Variants in LRCH3 observed in about 807,000 individuals in gnomAD.
LRCH3 encodes the protein leucine rich repeats and calponin homology domain containing 3.
A neutral mutation model predicts 104.5 loss-of-function variants in LRCH3; 68 were observed. The ratio of observed to expected loss-of-function variants is 0.65; its 90% CI spans 0.54 to 0.80. The LOEUF is 0.80. Ranked by LOEUF, LRCH3 falls within the 30% of genes least tolerant of loss-of-function variation. LRCH3 has a pLI of 0.00. For missense variants in LRCH3, 951 were observed against 953.9 expected, an observed-to-expected ratio of 1.00 and a Z score of 0.04; for synonymous variants, 344 against 361.3, an observed-to-expected ratio of 0.95 and a Z score of 0.54.
At chr3:197,867,537 G>A (rs1291522283) in intron 17 of LRCH3, among the ~76,000 whole-genome samples, 1 of 151,902 alleles carries the variant, frequency 6.6e-6, no homozygotes, top group Admixed American at 6.6e-5. Flanking sequence ...GTGCAACATG[G>A]CAAAACCCCA....
chr3:197,836,983 T>G (rs1436803375), intron 9 of LRCH3, among the ~76,000 whole-genome samples: 2 of 152,150 alleles, frequency 1.3e-5, no homozygotes, highest in African/African-American at 4.8e-5. Context: ...CAGCCAGTAT[T>G]ATCATTCTTT....
At position 197,792,577 on chromosome 3, in the gene LRCH3, TTATATATATATA is replaced by T. The variant is rs11420466; in HGVS notation, c.262+1054_262+1065del. ...CAGCCGCCACCACGCCCAGCTAATT[TTATATATATATA>T]TATATATATATATATAAAATATACA... On this transcript the variant is annotated intron_variant, in intron 1 of 20. Coordinates refer to ENST00000425562, the MANE Select transcript of LRCH3 (RefSeq NM_001365715.1). 1.7e-3 allele frequency among the ~76,000 whole-genome samples: 35 copies of T among 20,346 alleles called. 3 individuals are homozygous for T. The highest frequency in any genetic ancestry group is 8.0e-3 in the East Asian group (3 of 374). The allele number at this position is 20,346 out of a possible 152,430, so 13.3% of individuals were successfully genotyped here. A position where few individuals can be genotyped will look rare whatever the true frequency, so the allele number is the denominator to read the frequency against.
chr3:197,841,846 G>GTTTTGTTTTGTTTTGTTTTC (rs1553921573), intron 10 of LRCH3, among the ~76,000 whole-genome samples: 8 of 147,060 alleles, frequency 5.4e-5, no homozygotes, highest in African/African-American at 2.0e-4. Context: ...GTTTTGTTTT[G>GTTTTGTTTTGTTTTGTTTTC]TTTTGTGACA....
intron 8 of LRCH3, among the ~76,000 whole-genome samples, chr3:197,834,090 G>A (rs1390032968): frequency 1.3e-5 from 2 of 152,198 alleles, no homozygotes; most frequent in Non-Finnish European, 2.9e-5. Context: ...CAAGTTCACT[G>A]TTCCAGCAAC....
At chr3:197,794,578 A>G (rs966006116) in intron 1 of LRCH3, among the ~76,000 whole-genome samples, 2 of 152,240 alleles carry the variant, frequency 1.3e-5, no homozygotes, top group Non-Finnish European at 2.9e-5. Flanking sequence ...AATGTGTAGC[A>G]TGTACATGGT....
chr3:197,820,304 T>G (rs1580640244), intron 3 of LRCH3, 21 bp from the exon 4 acceptor site: 3 of 1,521,070 alleles, frequency 2.0e-6, no homozygotes, highest in African/African-American at 2.7e-5. Flanking sequence ...ACAATCTTTA[T>G]TTTGTATCTT....
chr3:197,804,807 T>C (rs1410446077), intron 1 of LRCH3, among the ~76,000 whole-genome samples: 1 of 152,248 alleles, frequency 6.6e-6, no homozygotes, highest in Non-Finnish European at 1.5e-5. Context: ...AAACACTTCC[T>C]TATTTTCTAA....
chr3:197,812,040 C>A (rs1018509667), intron 1 of LRCH3, among the ~76,000 whole-genome samples: 4 of 151,996 alleles, frequency 2.6e-5, no homozygotes, highest in African/African-American at 9.7e-5. Flanking sequence ...TAAAATATGC[C>A]ATTTTATCCA....
intron 1 of LRCH3, among the ~76,000 whole-genome samples, chr3:197,806,743 A>G (rs551289511): frequency 6.8e-6 from 1 of 146,328 alleles, no homozygotes; most frequent in East Asian, 2.3e-4. Context: ...TTTGGTGTGG[A>G]GTTTCACCAT....
chr3:197,802,700 A>G (rs1732034302), intron 1 of LRCH3, among the ~76,000 whole-genome samples: 1 of 152,116 alleles, frequency 6.6e-6, no homozygotes, highest in African/African-American at 2.4e-5. Context: ...CTGTTTCTTC[A>G]TGATTCAATC....
Position 197,826,815 on chromosome 3 carries a change from T to C in LRCH3, c.641-63T>C. 10 of 1,582,160 alleles carry C rather than the reference T, an allele frequency of 6.3e-6. No homozygotes were observed. In the South Asian group the frequency reaches 1.1e-4, roughly 18 times the overall value. ...TTAAAATCACATTTAACTAGAAGCT[T>C]TGTAAAAATTCTCTAGTTGTAAAAC... On this transcript the variant is annotated intron_variant, in intron 4 of 20. Transcript: ENST00000425562.
Position 197,839,340 on chromosome 3 carries a change from T to C in LRCH3, c.1271T>C (p.Val424Ala), listed in dbSNP as rs746437543. 10 of 1,597,126 alleles carry C rather than the reference T, an allele frequency of 6.3e-6. No homozygotes were observed. The African/African-American group carries it at 9.5e-5, about 15-fold the overall frequency. Residue 424 changes from valine to alanine, a missense_variant, in exon 10 of 21, where the codon GTA (valine) becomes GCA (alanine). Physicochemically the swap from Val to Ala is moderately conservative, Grantham distance 64. Transcript: ENST00000425562. The part of the protein sequence containing the change: ...ISHEGSPVKP[V>A]AIREFQKTED... ...GCCTAGGGTTCACCAGTAAAGCCAG[T>C]AGCCATTAGGGAGTTTCAAAAAACA...
intron 20 of LRCH3, among the ~76,000 whole-genome samples, chr3:197,878,535 C>G (rs1170969341): frequency 6.6e-6 from 1 of 152,180 alleles, no homozygotes; most frequent in Non-Finnish European, 1.5e-5. Context: ...CTCCCTCCTT[C>G]TCCGTCACCA....
At chr3:197,844,128 A>G (rs1417167687) in intron 10 of LRCH3, among the ~76,000 whole-genome samples, 1 of 152,212 alleles carries the variant, frequency 6.6e-6, no homozygotes, top group Admixed American at 6.5e-5. Flanking sequence ...TGAGGTAGGA[A>G]CATGCTTTTG....
chr3:197,803,084 A>G (rs1341635404), intron 1 of LRCH3, among the ~76,000 whole-genome samples: 2 of 152,218 alleles, frequency 1.3e-5, no homozygotes, highest in Non-Finnish European at 2.9e-5. Context: ...ACTTCTAGGT[A>G]TTTGGGAACT....
chr3:197,863,061 C>T (rs1360849851), intron 15 of LRCH3, among the ~76,000 whole-genome samples: 2 of 151,848 alleles, frequency 1.3e-5, no homozygotes, highest in African/African-American at 4.8e-5. Flanking sequence ...CTGTAAGTAG[C>T]GATGTAAGAG....
intron 20 of LRCH3, chr3:197,882,966 A>G (rs1264331828): frequency 2.0e-6 from 2 of 985,310 alleles, no homozygotes; most frequent in Non-Finnish European, 2.4e-6. Context: ...ATTAGGGGGA[A>G]GTTTCTCAAG....
At position 197,854,428 on chromosome 3, in the gene LRCH3, G is replaced by T; in HGVS notation, c.1627G>T (p.Asp543Tyr). Reference protein sequence around the residue: ...FPSRRSQHTDDSALCMSLSGL... With the variant: ...FPSRRSQHTDYSALCMSLSGL... ...ATCCAGAAGGTCTCAGCACACTGAT[G>T]ATAGTGCCTTGTGCATGGTAAGAGT... Residue 543 changes from aspartate (D) to tyrosine (Y), a missense_variant, in exon 14 of 21, where the codon GAT becomes TAT. Transcript: ENST00000425562. This position sits in a 1 kb window ranked among gnomAD's most constrained non-coding sequence, Gnocchi z 4.5. 6.2e-7 allele frequency: 1 copy of T among 1,614,128 alleles called. No individual in the cohort carries two copies. The highest frequency in any genetic ancestry group is 8.5e-7 in the Non-Finnish European group (1 of 1,179,984).
At chr3:197,852,712 G>A (rs1739776910) in intron 13 of LRCH3, 92 bp downstream of exon 13, 4 of 1,285,856 alleles carry the variant, frequency 3.1e-6, no homozygotes, top group African/African-American at 3.0e-5. Context: ...TTCAGTGCTC[G>A]GAATATTGCC....
Sources: allele counts gnomAD v4.1 joint callset (sites outside exome capture counted in the v4.1 genomes callset), GRCh38; gene constraint gnomAD v4.1.1; non-coding constraint Gnocchi (gnomAD v3.1); transcripts MANE v1.5; gene names NCBI Gene and HGNC (gene_info 2026-07-23, HGNC 2026-07-21).